MAD1L1: variants seen among roughly 807,000 people sequenced by gnomAD.
The protein encoded by MAD1L1 is mitotic arrest deficient 1 like 1, also known as mitotic spindle assembly checkpoint protein MAD1.
In MAD1L1, 95 loss-of-function variants were observed where a neutral mutation model predicts 96.9. The ratio of observed to expected loss-of-function variants is 0.98; its 90% CI spans 0.83 to 1.16. MAD1L1 has a LOEUF of 1.16. Among genes scored for constraint, MAD1L1 ranks in the 50% most tolerant of loss-of-function variants. MAD1L1 has a pLI of 0.00. For missense variants in MAD1L1, 1,007 were observed against 954.4 expected, an observed-to-expected ratio of 1.06 and a Z score of -0.73; for synonymous variants, 473 against 396.6, an observed-to-expected ratio of 1.19 and a Z score of -2.29.
At chr7:2,221,840 T>C (rs150802221) in intron 5 of MAD1L1, among the ~76,000 whole-genome samples, 4 of 152,176 alleles carry the variant, frequency 2.6e-5, no homozygotes, top group African/African-American at 7.2e-5. Context: ...TACGGGGAAA[T>C]TGGAGCCCTC....
At chr7:2,220,154 C>T (rs1176556117) in intron 5 of MAD1L1, among the ~76,000 whole-genome samples, 3 of 152,208 alleles carry the variant, frequency 2.0e-5, no homozygotes, top group Admixed American at 6.5e-5. Context: ...AGGACAAAGA[C>T]GGAGGCTGTG....
chr7:2,196,104 C>T (rs904731199), intron 10 of MAD1L1, among the ~76,000 whole-genome samples: 3 of 152,238 alleles, frequency 2.0e-5, no homozygotes, highest in African/African-American at 7.2e-5. Flanking sequence ...CCAAGCATTC[C>T]GGCAACAGGG....
chr7:2,126,716 T>C (rs1328083646), intron 11 of MAD1L1, among the ~76,000 whole-genome samples: 2 of 152,172 alleles, frequency 1.3e-5, no homozygotes, highest in Non-Finnish European at 2.9e-5. Flanking sequence ...TGCAGCTTAG[T>C]AGGTTCCTTC....
intron 10 of MAD1L1, among the ~76,000 whole-genome samples, chr7:2,164,573 A>G (rs1320058095): frequency 8.1e-6 from 1 of 123,340 alleles, no homozygotes; most frequent in African/African-American, 3.2e-5. Flanking sequence ...GTCTAAAACC[A>G]CACTAAGAAG....
chr7:1,870,642 C>A (rs1785017357), intron 18 of MAD1L1, among the ~76,000 whole-genome samples: 1 of 147,632 alleles, frequency 6.8e-6, no homozygotes, highest in African/African-American at 2.5e-5. Context: ...CCACGCTGAA[C>A]CCAACATATG....
chr7:2,002,868 C>T (rs908319767), intron 13 of MAD1L1, among the ~76,000 whole-genome samples: 2 of 152,214 alleles, frequency 1.3e-5, no homozygotes, highest in African/African-American at 4.8e-5. Flanking sequence ...GACCCCCGCC[C>T]TGGGCCTCTG....
At chr7:2,065,747 C>T (rs1411675446) in intron 12 of MAD1L1, among the ~76,000 whole-genome samples, 4 of 152,228 alleles carry the variant, frequency 2.6e-5, no homozygotes, top group Non-Finnish European at 5.9e-5. Context: ...GCTGGACACC[C>T]AGCGTCAACT....
At chr7:2,194,486 G>A (rs1791886312) in intron 10 of MAD1L1, among the ~76,000 whole-genome samples, 1 of 152,148 alleles carries the variant, frequency 6.6e-6, no homozygotes, top group South Asian at 2.1e-4. Flanking sequence ...GTTTTCACAT[G>A]AAAGGTCCCA....
chr7:1,965,362 C>G (rs1372236024), intron 15 of MAD1L1, among the ~76,000 whole-genome samples: 1 of 152,254 alleles, frequency 6.6e-6, no homozygotes, highest in South Asian at 2.1e-4. Flanking sequence ...CACGCCTGCC[C>G]TTCCTCTCCC....
At chr7:1,977,543 G>A (rs1780703692) in intron 15 of MAD1L1, among the ~76,000 whole-genome samples, 1 of 152,250 alleles carries the variant, frequency 6.6e-6, no homozygotes, top group Admixed American at 6.5e-5. Flanking sequence ...TCCGGCCTCG[G>A]CCAGCCCAGA....
intron 11 of MAD1L1, among the ~76,000 whole-genome samples, chr7:2,073,386 C>A (rs1584255878): frequency 6.6e-6 from 1 of 152,142 alleles, no homozygotes; most frequent in Admixed American, 6.5e-5. Flanking sequence ...AGTTCCCGAC[C>A]CCTCGGACCC....
chr7:1,890,299 T>C (rs1192428052), intron 18 of MAD1L1, among the ~76,000 whole-genome samples: 1 of 152,036 alleles, frequency 6.6e-6, no homozygotes, highest in Non-Finnish European at 1.5e-5. Context: ...CGTCATGGGG[T>C]CACAGGCCTC....
At chr7:1,939,381 C>T (rs149247906) in intron 16 of MAD1L1, among the ~76,000 whole-genome samples, 3,311 of 152,300 alleles carry the variant, frequency 0.022, 62 homozygotes, top group Non-Finnish European at 0.036. Flanking sequence ...CGCACACACA[C>T]GGGCCAGGGC....
At chr7:2,144,999 T>C (rs1789223683) in intron 11 of MAD1L1, among the ~76,000 whole-genome samples, 1 of 152,072 alleles carries the variant, frequency 6.6e-6, no homozygotes, top group Admixed American at 6.5e-5. Context: ...GAGGCAAGGT[T>C]TGGTGGTTCT....
intron 10 of MAD1L1, among the ~76,000 whole-genome samples, chr7:2,165,649 G>A (rs1386946678): frequency 6.6e-6 from 1 of 152,192 alleles, no homozygotes; most frequent in Non-Finnish European, 1.5e-5. Context: ...TCCACGGCAC[G>A]AAACGACCAA....
At chr7:1,967,334 G>A (rs1105640) in intron 15 of MAD1L1, among the ~76,000 whole-genome samples, 5,145 of 152,216 alleles carry the variant, frequency 0.034, 193 homozygotes, top group East Asian at 0.086. Context: ...CAGGAAGCAT[G>A]AAAAGGAAAA....
chr7:2,151,116 T>C (rs528992141), intron 10 of MAD1L1, among the ~76,000 whole-genome samples: 3 of 152,300 alleles, frequency 2.0e-5, no homozygotes, highest in African/African-American at 7.2e-5. Context: ...AAAATATCAG[T>C]ACGAAAGTAA....
At chr7:2,043,776 C>A (rs1450650153) in intron 12 of MAD1L1, among the ~76,000 whole-genome samples, 3 of 152,254 alleles carry the variant, frequency 2.0e-5, no homozygotes, top group Non-Finnish European at 2.9e-5. Context: ...AGCCCTGAGG[C>A]AGGGGCCTCT....
intron 18 of MAD1L1, among the ~76,000 whole-genome samples, chr7:1,882,949 GGTGTC>G (rs1785779786): frequency 7.5e-6 from 1 of 133,356 alleles, no homozygotes; most frequent in East Asian, 2.2e-4. Context: ...CACCAAACCT[GGTGTC>G]ACAAACGACT....
Sources: gnomAD v4.1 joint callset for allele counts (sites outside exome capture counted in the v4.1 genomes callset) on GRCh38, gnomAD v4.1.1 for gene constraint, MANE v1.5 for transcripts, NCBI Gene and HGNC (gene_info 2026-07-23, HGNC 2026-07-21) for gene names.